PHACTR3: variants seen among roughly 807,000 people sequenced by gnomAD.
PHACTR3 encodes protein phosphatase 1, regulatory subunit 123.
PHACTR3 carries 16 observed loss-of-function variants against 66.8 expected under a neutral mutation model. The observed-to-expected ratio is 0.24, with a 90% CI of 0.16 to 0.36. The LOEUF (loss-of-function observed/expected upper bound fraction) is 0.36, where lower values mean the gene tolerates loss of function less well. Among genes scored for constraint, PHACTR3 ranks in the 10% least tolerant of loss-of-function variants. The probability of loss-of-function intolerance (pLI) is 1.00; values close to 1 mark genes in which losing one functional copy is unlikely to be tolerated. For synonymous variants in PHACTR3, 323 were observed against 292.1 expected, an observed-to-expected ratio of 1.11 and a Z score of -1.08; for missense variants, 647 against 719.9, an observed-to-expected ratio of 0.90 and a Z score of 1.16.
chr20:59,784,274 C>T (rs2040829113), intron 7 of PHACTR3, among the ~76,000 whole-genome samples: 1 of 151,738 alleles, frequency 6.6e-6, no homozygotes, highest in South Asian at 2.1e-4. Flanking sequence ...AAATAAATGT[C>T]TTAAAACACA....
At position 59,773,411 on chromosome 20, in the gene PHACTR3, A is replaced by G. The variant is rs1240048407; in HGVS notation, c.884A>G (p.Glu295Gly). ...HRPLPPSRVI[E>G]ELHRALATKH... ...CCTCTTCCCCCAAGCCGCGTCATTG[A>G]GGAGCTGCACAGGGCGCTGGCCACG... Residue 295 changes from glutamate (E) to glycine (G), a missense_variant, in exon 6 of 13, where the codon GAG becomes GGG. Physicochemically the swap from Glu to Gly is moderately conservative, Grantham distance 98 (BLOSUM62 -2). Around this residue, in one of 2 missense-constraint regions of PHACTR3, gnomAD observed 577 missense variants for 571.1 expected, o/e 1.01. Transcript: ENST00000371015. The G allele has an allele frequency of 6.2e-7, 1 of 1,614,018 alleles. No individual in the cohort carries two copies. The highest frequency in any genetic ancestry group is 8.5e-7 in the Non-Finnish European group (1 of 1,179,990).
At chr20:59,840,625 C>T (rs1332020270) in intron 10 of PHACTR3, among the ~76,000 whole-genome samples, 195 bp downstream of exon 10, 2 of 152,204 alleles carry the variant, frequency 1.3e-5, no homozygotes, top group African/African-American at 2.4e-5. Flanking sequence ...TCCCTATGGA[C>T]GAAGTCCTTC....
rs1403423119 is a variant in PHACTR3 at position 59,604,580 on chromosome 20, C to T, written c.-435C>T. On this transcript the variant is annotated 5_prime_UTR_variant, in exon 1 of 13. Transcript: ENST00000371015. The stretch of plus-strand genomic sequence containing the variant: ...CAAGAGCAAAGATTCTTCCTTTTCC[C>T]TTTTTTCCTGGGGGGGTGGGGGGTG... 4 of 876,940 alleles carry T rather than the reference C, an allele frequency of 4.6e-6. No individual in the cohort carries two copies. The highest frequency in any genetic ancestry group is 4.0e-6 in the Non-Finnish European group (3 of 752,620). 54.3% of individuals were successfully genotyped at this position (876,940 alleles called of 1,614,324 possible).
upstream of PHACTR3, among the ~76,000 whole-genome samples, chr20:59,600,560 G>T (rs566450660): frequency 2.0e-5 from 3 of 152,260 alleles, no homozygotes; most frequent in Admixed American, 1.3e-4. Context: ...TCATACATGC[G>T]CTGTGTGTTG....
At chr20:59,583,567 T>G (rs564018666) in intron 1 of PHACTR3, among the ~76,000 whole-genome samples, 54 of 152,384 alleles carry the variant, frequency 3.5e-4, no homozygotes, top group Non-Finnish European at 4.4e-5. Context: ...CGTGCCCGCC[T>G]ACGCAAGCAG....
chr20:59,618,205 G>GC (rs2034103675), intron 1 of PHACTR3, among the ~76,000 whole-genome samples: 1 of 152,236 alleles, frequency 6.6e-6, no homozygotes, highest in African/African-American at 2.4e-5. Flanking sequence ...CAAGAGAGAA[G>GC]CAGGAGTATG....
intron 1 of PHACTR3, among the ~76,000 whole-genome samples, chr20:59,677,994 T>C (rs1404537332): frequency 6.6e-6 from 1 of 152,200 alleles, no homozygotes; most frequent in African/African-American, 2.4e-5. Context: ...GAAAACGTAC[T>C]GCCGTTGAAT....
rs1273109625 is a variant in PHACTR3 at position 59,635,236 on chromosome 20, C to CT, written c.118+30119dup. 6.5e-3 allele frequency among the ~76,000 whole-genome samples: 641 copies of CT among 97,970 alleles called. 10 individuals carry two copies. The highest frequency in any genetic ancestry group is 9.9e-3 in the African/African-American group (254 of 25,728). 64.3% of individuals were successfully genotyped at this position (97,970 alleles called of 152,430 possible). ...TCCTTCCTTCCTTCTTTCTTTCTTT[C>CT]TTTTTTTTTTTTTTTGAGATAGAGT... On this transcript the variant is annotated intron_variant, in intron 1 of 12. Coordinates refer to ENST00000371015, the MANE Select transcript of PHACTR3 (RefSeq NM_080672.5).
intron 1 of PHACTR3, among the ~76,000 whole-genome samples, chr20:59,631,345 G>T (rs949007263): frequency 6.6e-6 from 1 of 152,194 alleles, no homozygotes; most frequent in African/African-American, 2.4e-5. Flanking sequence ...GCTCCTGGGG[G>T]ATGCTGCTCC....
At chr20:59,666,652 CAG>C (rs956139504) in intron 1 of PHACTR3, among the ~76,000 whole-genome samples, 1 of 151,496 alleles carries the variant, frequency 6.6e-6, no homozygotes, top group African/African-American at 2.4e-5. Flanking sequence ...GAGACAAAGA[CAG>C]AGAGATAGAG....
intron 1 of PHACTR3, among the ~76,000 whole-genome samples, chr20:59,719,176 T>C (rs945009374): frequency 4.6e-5 from 7 of 152,034 alleles, no homozygotes; most frequent in Admixed American, 4.6e-4. Context: ...AGCTTTTTCT[T>C]TTTTTTTGAA....
At chr20:59,832,951 C>T (rs1433361725) in intron 8 of PHACTR3, among the ~76,000 whole-genome samples, 1 of 152,208 alleles carries the variant, frequency 6.6e-6, no homozygotes, top group Non-Finnish European at 1.5e-5. Context: ...GCACCCTCAC[C>T]TGGCAGTCAG....
At chr20:59,677,324 C>T (rs1289127498) in intron 1 of PHACTR3, among the ~76,000 whole-genome samples, 2 of 152,298 alleles carry the variant, frequency 1.3e-5, no homozygotes, top group South Asian at 2.1e-4. Context: ...CTTCCGGGAT[C>T]TCCACCACTG....
chr20:59,622,998 A>AAAAAAAAAAAAAAAAAAAAAAAC (rs2034310721), intron 1 of PHACTR3, among the ~76,000 whole-genome samples: 1 of 148,176 alleles, frequency 6.7e-6, no homozygotes, highest in Non-Finnish European at 1.5e-5. Context: ...AAAAAAAAAA[A>AAAAAAAAAAAAAAAAAAAAAAAC]AAACCCAAAT....
chr20:59,635,127 C>T (rs2034809780), intron 1 of PHACTR3, among the ~76,000 whole-genome samples: 1 of 74,690 alleles, frequency 1.3e-5, no homozygotes, highest in African/African-American at 5.4e-5. Context: ...TTCTTTCTTT[C>T]TTTCTTTCTT....
At chr20:59,708,247 C>G (rs2037784000) in intron 1 of PHACTR3, among the ~76,000 whole-genome samples, 1 of 152,194 alleles carries the variant, frequency 6.6e-6, no homozygotes, top group South Asian at 2.1e-4. Flanking sequence ...CTGTAGTGAT[C>G]TGAACTTTTG....
At chr20:59,777,908 G>A (rs2040592291) in intron 7 of PHACTR3, among the ~76,000 whole-genome samples, 1 of 152,130 alleles carries the variant, frequency 6.6e-6, no homozygotes, top group African/African-American at 2.4e-5. Context: ...CTCTACGCAT[G>A]CGTCCACGTG....
At chr20:59,801,714 T>C (rs1197193090) in intron 7 of PHACTR3, among the ~76,000 whole-genome samples, 3 of 152,256 alleles carry the variant, frequency 2.0e-5, no homozygotes, top group African/African-American at 7.2e-5. Flanking sequence ...TCGCTGTAGA[T>C]AAACTCATCA....
At chr20:59,731,533 A>G (rs764675259) in intron 1 of PHACTR3, among the ~76,000 whole-genome samples, 1 of 152,160 alleles carries the variant, frequency 6.6e-6, no homozygotes, top group Admixed American at 6.5e-5. Flanking sequence ...TGATTTACAG[A>G]TTTGAGCTGA....
Sources: allele counts gnomAD v4.1 joint callset (sites outside exome capture counted in the v4.1 genomes callset), GRCh38; gene constraint gnomAD v4.1.1; regional missense constraint gnomAD v4.1.1; transcripts MANE v1.5; gene names NCBI Gene and HGNC (gene_info 2026-07-23, HGNC 2026-07-21).